NCOA2: variants seen among roughly 807,000 people sequenced by gnomAD.
The protein encoded by NCOA2 is class E basic helix-loop-helix protein 75.
A neutral mutation model predicts 145.1 loss-of-function variants in NCOA2; 21 were observed. The ratio of observed to expected loss-of-function variants is 0.14; its 90% CI spans 0.10 to 0.21. The LOEUF is 0.21. NCOA2 is among the 10% of genes least tolerant of loss of function. NCOA2 has a pLI of 1.00. For synonymous variants in NCOA2, 619 were observed against 637.5 expected, an observed-to-expected ratio of 0.97 and a Z score of 0.44; for missense variants, 1,472 against 1,837.6, an observed-to-expected ratio of 0.80 and a Z score of 3.64.
intron 4 of NCOA2, among the ~76,000 whole-genome samples, chr8:70,177,504 G>A (rs958937511): frequency 1.3e-5 from 2 of 152,158 alleles, no homozygotes; most frequent in African/African-American, 4.8e-5. Context: ...GATCGAGGGT[G>A]TGTGGAAAGA....
intron 1 of NCOA2, chr8:70,402,402 G>A (rs1048122294): frequency 3.3e-5 from 5 of 152,464 alleles, no homozygotes; most frequent in Non-Finnish European, 7.3e-5. Flanking sequence ...AGCGGAAGGG[G>A]GCTCCAGTCC....
intron 1 of NCOA2, among the ~76,000 whole-genome samples, chr8:70,313,039 A>G (rs1180228565): frequency 1.3e-5 from 2 of 152,228 alleles, no homozygotes; most frequent in East Asian, 3.8e-4. Flanking sequence ...ATCTTAAACT[A>G]TTACAGAGAT....
At chr8:70,442,409 T>C in the NCOA2 span, among the ~76,000 whole-genome samples, 6 of 152,350 alleles carry the variant, frequency 3.9e-5, no homozygotes, top group Non-Finnish European at 7.3e-5. Context: ...TATTTGAAAC[T>C]TTATTTTCAC....
chr8:70,258,687 T>A (rs980117445), intron 2 of NCOA2, among the ~76,000 whole-genome samples: 2 of 152,168 alleles, frequency 1.3e-5, no homozygotes, highest in African/African-American at 4.8e-5. Context: ...CCACCACCAA[T>A]AACTTCTTCT....
chr8:70,314,122 G>A (rs1211943191), intron 1 of NCOA2, among the ~76,000 whole-genome samples: 2 of 134,788 alleles, frequency 1.5e-5, no homozygotes, highest in Non-Finnish European at 1.5e-5. Context: ...AGAGCTTGCA[G>A]TGAGCCGAGA....
chr8:70,287,537 C>T (rs770742266), intron 2 of NCOA2, among the ~76,000 whole-genome samples: 2 of 151,990 alleles, frequency 1.3e-5, no homozygotes, highest in Non-Finnish European at 2.9e-5. Context: ...TTTAAAGAGA[C>T]GAATCAAAGG....
At chr8:70,386,599 ACTTTTT>A (rs1183626289) in intron 1 of NCOA2, among the ~76,000 whole-genome samples, 2 of 152,230 alleles carry the variant, frequency 1.3e-5, no homozygotes, top group Non-Finnish European at 2.9e-5. Flanking sequence ...GAGGGGCCAT[ACTTTTT>A]CTTTATTAAA....
intron 1 of NCOA2, among the ~76,000 whole-genome samples, chr8:70,306,453 T>G (rs916640798): frequency 1.2e-4 from 18 of 152,352 alleles, no homozygotes; most frequent in African/African-American, 3.4e-4. Context: ...TAGAATTTAT[T>G]GATAAAATAT....
chr8:70,416,204 T>G, the NCOA2 span, among the ~76,000 whole-genome samples: 4 of 151,230 alleles, frequency 2.6e-5, no homozygotes, highest in African/African-American at 9.7e-5. Context: ...TGTTTTTTTT[T>G]TTTTTCTCTT....
chr8:70,406,463 A>G (rs955023551), upstream of NCOA2, among the ~76,000 whole-genome samples: 3 of 152,230 alleles, frequency 2.0e-5, no homozygotes, highest in Non-Finnish European at 4.4e-5. Flanking sequence ...AAGGAAAGAA[A>G]AAAGAAGGCA....
intron 1 of NCOA2, among the ~76,000 whole-genome samples, chr8:70,297,191 G>A (rs1179221565): frequency 2.6e-5 from 4 of 152,118 alleles, no homozygotes; most frequent in Non-Finnish European, 5.9e-5. Flanking sequence ...GCTGTGCCCA[G>A]CACATTGTAA....
At chr8:70,213,876 T>C in intron 4 of NCOA2, 27 bp downstream of exon 4, 4 of 1,540,272 alleles carry the variant, frequency 2.6e-6, no homozygotes, top group Non-Finnish European at 3.5e-6. Context: ...AATTCAACTC[T>C]TCAAAATACT....
chr8:70,209,786 A>G (rs2133797316), intron 4 of NCOA2, among the ~76,000 whole-genome samples: 1 of 152,364 alleles, frequency 6.6e-6, no homozygotes, highest in South Asian at 2.1e-4. Context: ...GTGAAGTATA[A>G]CTTTTATACA....
At chr8:70,403,042 C>G (rs1262298190) in intron 1 of NCOA2, among the ~76,000 whole-genome samples, 1 of 149,096 alleles carries the variant, frequency 6.7e-6, no homozygotes, top group Non-Finnish European at 1.5e-5. Context: ...CTCCCCTTCC[C>G]CGCCCCGCGC....
At chr8:70,165,532 C>T (rs1813511306) in intron 7 of NCOA2, among the ~76,000 whole-genome samples, 1 of 152,146 alleles carries the variant, frequency 6.6e-6, no homozygotes, top group South Asian at 2.1e-4. Flanking sequence ...CTTCTGCTCC[C>T]CACGCACAAT....
At chr8:70,403,393 T>C (rs910248524) in intron 1 of NCOA2, among the ~76,000 whole-genome samples, 5 of 151,296 alleles carry the variant, frequency 3.3e-5, no homozygotes, top group African/African-American at 1.2e-4. Context: ...ACTCGTCTCC[T>C]GAGCTCTCGC....
intron 11 of NCOA2, among the ~76,000 whole-genome samples, chr8:70,152,886 A>G (rs1180516552): frequency 6.6e-6 from 1 of 152,220 alleles, no homozygotes; most frequent in Admixed American, 6.5e-5. Context: ...ACTCATTAAT[A>G]GTTTGTTTTA....
Position 70,113,311 on chromosome 8 carries a change from A to G in NCOA2, c.*321T>C. On this transcript the variant is annotated 3_prime_UTR_variant, in exon 23 of 23. Transcript: ENST00000452400. ...GTTCTCCTTAAATACATACATTTAA[A>G]TACATTCAATCTGACATGGGTATGA... 2.2e-6 allele frequency: 1 copy of G among 450,608 alleles called. No individual in the cohort carries two copies. The highest frequency in any genetic ancestry group is 3.2e-5 in the East Asian group (1 of 30,952). The allele number at this position is 450,608 out of a possible 1,614,324, so 27.9% of individuals were successfully genotyped here. A position where few individuals can be genotyped will look rare whatever the true frequency, so the allele number is the denominator to read the frequency against.
intron 1 of NCOA2, among the ~76,000 whole-genome samples, chr8:70,324,075 T>G (rs1208413662): frequency 2.0e-5 from 3 of 152,192 alleles, no homozygotes; most frequent in Non-Finnish European, 2.9e-5. Context: ...ACTTCATTTT[T>G]CAAGACTGAC....
Sources: gnomAD v4.1 joint callset for allele counts (sites outside exome capture counted in the v4.1 genomes callset) on GRCh38, gnomAD v4.1.1 for gene constraint, MANE v1.5 for transcripts, NCBI Gene and HGNC (gene_info 2026-07-23, HGNC 2026-07-21) for gene names.